The following MRTFA variants were observed in gnomAD, a reference collection of about 807,000 sequenced individuals.
MRTFA encodes the protein myocardin related transcription factor A.
Under a neutral mutation model 83.5 loss-of-function variants are expected in MRTFA, and 20 were observed. That is an observed-to-expected ratio of 0.24 (90% CI 0.17 to 0.35). The LOEUF (loss-of-function observed/expected upper bound fraction) is 0.35. MRTFA is among the 10% of genes least tolerant of loss of function. The pLI is 1.00. For synonymous variants in MRTFA, 659 were observed against 541.2 expected (o/e 1.22, Z -3.02); for missense variants, 1,200 against 1,224.7 (o/e 0.98, Z 0.30).
rs866863536 is a variant in MRTFA, at chr22:40,500,547, G to A, written c.242-37261C>T. 2.8e-4 allele frequency among the ~76,000 whole-genome samples: 42 copies of A among 151,850 alleles called. 3 individuals are homozygous for A. In the Middle Eastern group the frequency reaches 0.014, roughly 49 times the overall value. On this transcript the variant is annotated intron_variant, in intron 3 of 14. Coordinates refer to ENST00000355630, the MANE Select transcript of MRTFA (RefSeq NM_020831.6). ...TAGGCAGAGGACCCTGCAGCCTTCC[G>A]CAGTGTTTGTGTCCCTGATTACTTG...
intron 3 of MRTFA, among the ~76,000 whole-genome samples, chr22:40,499,924 T>C (rs1230961850): frequency 7.0e-6 from 1 of 143,874 alleles, no homozygotes; most frequent in Non-Finnish European, 1.5e-5. Context: ...CTTTTTTTTT[T>C]TTTTTTTTTT....
chr22:40,498,986 A>G (rs2054409479), intron 3 of MRTFA, among the ~76,000 whole-genome samples: 1 of 152,192 alleles, frequency 6.6e-6, no homozygotes, highest in Non-Finnish European at 1.5e-5. Flanking sequence ...CAGAATGTTC[A>G]GCCAATCGTC....
At chr22:40,541,507 G>A (rs1303724750) in intron 3 of MRTFA, among the ~76,000 whole-genome samples, 1 of 152,142 alleles carries the variant, frequency 6.6e-6, no homozygotes, top group African/African-American at 2.4e-5. Flanking sequence ...ATGCAGGCAA[G>A]TTGCTACAGG....
chr22:40,571,026 C>CAAAAAAAAAAA (rs71199292), intron 2 of MRTFA, among the ~76,000 whole-genome samples: 2 of 46,734 alleles, frequency 4.3e-5, no homozygotes, highest in African/African-American at 9.2e-5. Context: ...CCTGTCTCTA[C>CAAAAAAAAAAA]AAAAAAAAAA....
chr22:40,610,326 G>A (rs1201761273), intron 1 of MRTFA, among the ~76,000 whole-genome samples: 1 of 152,088 alleles, frequency 6.6e-6, no homozygotes, highest in African/African-American at 2.4e-5. Context: ...GAGATTACAG[G>A]CATAAGCCAC....
intron 3 of MRTFA, among the ~76,000 whole-genome samples, chr22:40,483,926 C>G (rs904923682): frequency 6.6e-6 from 1 of 151,872 alleles, no homozygotes; most frequent in Non-Finnish European, 1.5e-5. Flanking sequence ...AGGCTGGTCT[C>G]AAACTCCTGG....
At chr22:40,582,432 CGAT>C (rs2055960810) in intron 2 of MRTFA, among the ~76,000 whole-genome samples, 1 of 152,030 alleles carries the variant, frequency 6.6e-6, no homozygotes, top group South Asian at 2.1e-4. Flanking sequence ...GAGTATATAA[CGAT>C]GAGAAGAATT....
intron 2 of MRTFA, among the ~76,000 whole-genome samples, chr22:40,562,117 T>G (rs1197337224): frequency 6.6e-6 from 1 of 151,240 alleles, no homozygotes; most frequent in Non-Finnish European, 1.5e-5. Flanking sequence ...CTCAGGAGGC[T>G]GAGGCCGGAG....
At chr22:40,478,730 T>C (rs2054039541) in intron 3 of MRTFA, among the ~76,000 whole-genome samples, 1 of 152,164 alleles carries the variant, frequency 6.6e-6, no homozygotes, top group Non-Finnish European at 1.5e-5. Context: ...TGTTACAACA[T>C]GCAACATCTG....
intron 2 of MRTFA, chr22:40,569,746 TACATACATAC>T: frequency 6.6e-6 from 1 of 151,986 alleles, no homozygotes; most frequent in South Asian, 2.1e-4. Context: ...CATACATACA[TACATACATAC>T]ATACATACAT....
chr22:40,488,653 G>A (rs1401418107), intron 3 of MRTFA, among the ~76,000 whole-genome samples: 1 of 152,094 alleles, frequency 6.6e-6, no homozygotes, highest in Non-Finnish European at 1.5e-5. Context: ...CTAACGTGGT[G>A]AAACCCTGTC....
intron 2 of MRTFA, among the ~76,000 whole-genome samples, chr22:40,563,190 G>C (rs971387803): frequency 6.6e-6 from 1 of 151,970 alleles, no homozygotes; most frequent in Non-Finnish European, 1.5e-5. Flanking sequence ...GCTCTTTACT[G>C]TGACTGCCTA....
chr22:40,533,730 C>A, intron 3 of MRTFA: 2 of 632,496 alleles, frequency 3.2e-6, no homozygotes, highest in Non-Finnish European at 4.5e-6. Context: ...CAAATTCAAT[C>A]TGATGCCTTA....
Position 40,450,436 on chromosome 22 carries a change from C to CT in MRTFA, c.307+12784dup, listed in dbSNP as rs895526452. Among the ~76,000 whole-genome samples, 220 of 146,364 alleles carry CT rather than the reference C, an allele frequency of 1.5e-3. No individual in the cohort carries two copies. In the Middle Eastern group the frequency reaches 0.018, roughly 12 times the overall value. ...CTGCTTTGATGCTGTTTTCAATTTT[C>CT]TTTTTTTTTTTAATAGTGTATTTAT... On this transcript the variant is annotated intron_variant, in intron 4 of 14. Transcript: ENST00000355630.
chr22:40,459,836 T>C lies in MRTFA; in HGVS notation c.307+3385A>G, dbSNP rs3044524. On this transcript the variant is annotated intron_variant, in intron 4 of 14. Transcript: ENST00000355630. ...ACACACACACACATATATACATATA[T>C]ATATATATATATATATATATATATA... Among the ~76,000 whole-genome samples the C allele has an allele frequency of 9.0e-4, 99 of 109,462 alleles. 3 individuals carry two copies. The highest frequency in any genetic ancestry group is 3.1e-3 in the African/African-American group (84 of 27,260). 71.8% of individuals were successfully genotyped at this position (109,462 alleles called of 152,430 possible). A position where few individuals can be genotyped will look rare whatever the true frequency, so the allele number is the denominator to read the frequency against.
intron 3 of MRTFA, among the ~76,000 whole-genome samples, chr22:40,510,878 A>G (rs2054656014): frequency 6.6e-6 from 1 of 152,162 alleles, no homozygotes; most frequent in African/African-American, 2.4e-5. Flanking sequence ...ATGCAAAGGA[A>G]TATATGTGCT....
chr22:40,598,973 G>A (rs1305544912), intron 1 of MRTFA, among the ~76,000 whole-genome samples: 1 of 149,308 alleles, frequency 6.7e-6, no homozygotes, highest in Non-Finnish European at 1.5e-5. Context: ...ACTCCAGCCT[G>A]GGCAACAAGA....
intron 14 of MRTFA, chr22:40,415,345 G>A (rs1211649221): frequency 6.6e-6 from 1 of 152,244 alleles, no homozygotes; most frequent in African/African-American, 2.4e-5. Context: ...CAGACCCCAG[G>A]GACCCAGGGA....
chr22:40,513,655 A>T (rs1449604979), intron 3 of MRTFA, among the ~76,000 whole-genome samples: 1 of 147,598 alleles, frequency 6.8e-6, no homozygotes, highest in Non-Finnish European at 1.5e-5. Flanking sequence ...CTTGCCATTT[A>T]AAAAAAAAAA....
Sources: gnomAD v4.1 joint callset for allele counts (sites outside exome capture counted in the v4.1 genomes callset) on GRCh38, gnomAD v4.1.1 for gene constraint, MANE v1.5 for transcripts, NCBI Gene and HGNC (gene_info 2026-07-23, HGNC 2026-07-21) for gene names.